The following GDNF variants were observed in gnomAD, a reference collection of about 807,000 sequenced individuals.
GDNF encodes glial cell derived neurotrophic factor, also known as glial cell line-derived neurotrophic factor.
A neutral mutation model predicts 13.7 loss-of-function variants in GDNF; 5 were observed. The observed-to-expected ratio is 0.36, with a 90% confidence interval of 0.19 to 0.77. GDNF has a LOEUF of 0.77. Ranked by LOEUF, GDNF falls within the 30% of genes least tolerant of loss-of-function variation. The pLI is 0.51. For missense variants in GDNF, 246 were observed against 274.3 expected (o/e 0.90, Z 0.73); for synonymous variants, 122 against 112.5 (o/e 1.08, Z -0.53).
chr5:37,828,228 T>C (rs1311749724), intron 2 of GDNF, among the ~76,000 whole-genome samples: 1 of 152,238 alleles, frequency 6.6e-6, no homozygotes, highest in Non-Finnish European at 1.5e-5. Context: ...GCCTCCCGAA[T>C]GCTGTCTGCC....
chr5:37,829,459 A>G (rs1750440460), intron 2 of GDNF, among the ~76,000 whole-genome samples: 1 of 152,194 alleles, frequency 6.6e-6, no homozygotes, highest in South Asian at 2.1e-4. Context: ...CCATCCAGCC[A>G]TCCGCCCATC....
chr5:37,815,361 A>T lies in GDNF; in HGVS notation c.*290T>A. On this transcript the variant is annotated 3_prime_UTR_variant, in exon 3 of 3. Coordinates refer to ENST00000326524, the MANE Select transcript of GDNF (RefSeq NM_000514.4). The surrounding 1 kb of genome is among the most constrained non-coding windows in gnomAD (Gnocchi z 5.0). The stretch of plus-strand genomic sequence containing the variant: ...AAATGGTGGCAATAGCCAACCAGGA[A>T]CATCAGCCCTGAGCTTCTAGTGACA... 2.1e-6 allele frequency: 1 copy of T among 483,482 alleles called. No homozygotes were observed. The highest frequency in any genetic ancestry group is 3.8e-6 in the Non-Finnish European group (1 of 265,016). The allele number at this position is 483,482 out of a possible 1,614,324, so 29.9% of individuals were successfully genotyped here.
intron 2 of GDNF, among the ~76,000 whole-genome samples, chr5:37,832,261 T>C (rs1561135073): frequency 6.6e-6 from 1 of 152,246 alleles, no homozygotes; most frequent in Non-Finnish European, 1.5e-5. Flanking sequence ...TGAAATGTGG[T>C]GACTTAATGT....
intron 2 of GDNF, among the ~76,000 whole-genome samples, chr5:37,819,994 G>A (rs554506287): frequency 6.6e-6 from 1 of 152,084 alleles, no homozygotes; most frequent in South Asian, 2.1e-4. Context: ...TATATAAATC[G>A]GAACTTATGA....
chr5:37,834,859 A>C (rs754431716), intron 1 of GDNF, 37 bp from the exon 2 acceptor site: 125 of 1,592,840 alleles, frequency 7.8e-5, no homozygotes, highest in Non-Finnish European at 1.0e-4. Context: ...AGAGAACCGC[A>C]GAATGCACGT....
At chr5:37,818,296 G>A (rs1750003973) in intron 2 of GDNF, among the ~76,000 whole-genome samples, 1 of 152,232 alleles carries the variant, frequency 6.6e-6, no homozygotes, top group African/African-American at 2.4e-5. Context: ...CCCAGTGAGA[G>A]GTAATTGAAT....
intron 2 of GDNF, among the ~76,000 whole-genome samples, chr5:37,826,349 C>T (rs528840767): frequency 6.6e-6 from 1 of 152,184 alleles, no homozygotes; most frequent in African/African-American, 2.4e-5. Context: ...GCACAGAAGG[C>T]AGCAGTGTAA....
Position 37,815,944 on chromosome 5 carries a change from T to G in GDNF, c.343A>C (p.Asn115His). 6.2e-7 allele frequency: 1 copy of G among 1,614,176 alleles called. No homozygotes were observed. Among genetic ancestry groups the G allele is most frequent in the South Asian group, 1.1e-5 (1 of 91,084 alleles). Residue 115 changes from asparagine (N) to histidine (H), a missense_variant, in exon 3 of 3, where the codon AAC becomes CAC. Asn to His is a moderately conservative substitution (Grantham distance 68). Transcript: ENST00000326524. The surrounding 1 kb of genome is among the most constrained non-coding windows in gnomAD (Gnocchi z 5.0). ...ATTGCAGTTAAGACACAACCCCGGT[T>G]TTTGCCCCTCTGGCCTCTCCGACCT... Reference protein sequence around the residue: ...GKGRRGQRGKNRGCVLTAIHL... With the variant: ...GKGRRGQRGKHRGCVLTAIHL...
rs1348912601 is a variant in GDNF at position 37,838,601 on chromosome 5, G to A, written c.-27+906C>T. Among the ~76,000 whole-genome samples, 18 of 152,206 alleles carry A rather than the reference G, an allele frequency of 1.2e-4. No homozygotes were observed. The highest frequency in any genetic ancestry group is 2.4e-5 in the African/African-American group (1 of 41,452). On this transcript the variant is annotated intron_variant, in intron 1 of 2. Transcript: ENST00000326524. This position sits in a 1 kb window ranked among gnomAD's most constrained non-coding sequence, Gnocchi z 4.1. ...GGTCCTGGCGGCGGATTCTACCAAAGCCGAAACTAGCTGGGCCCCAGGAAG... is the reference window on the plus strand; with the variant it reads ...GGTCCTGGCGGCGGATTCTACCAAAACCGAAACTAGCTGGGCCCCAGGAAG...
chr5:37,825,808 C>T (rs1434653490), intron 2 of GDNF, among the ~76,000 whole-genome samples: 1 of 152,118 alleles, frequency 6.6e-6, no homozygotes, highest in Non-Finnish European at 1.5e-5. Context: ...GTGATTTGAA[C>T]AAGAAGGAGG....
In GDNF at chr5:37,831,488, A is replaced by C. The variant is rs183951930; in HGVS notation, c.151+3158T>G. ...TAGAGTTGAGATAAGGAATATGACT[A>C]TGATGAACTAACCTTCAATAAATTC... On this transcript the variant is annotated intron_variant, in intron 2 of 2. Coordinates refer to ENST00000326524, the MANE Select transcript of GDNF (RefSeq NM_000514.4). Among the ~76,000 whole-genome samples, 77 of 152,356 alleles carry C rather than the reference A, an allele frequency of 5.1e-4. 1 individual carries two copies. In the Middle Eastern group the frequency reaches 0.017, roughly 34 times the overall value.
At chr5:37,833,159 C>T (rs1191863407) in intron 2 of GDNF, among the ~76,000 whole-genome samples, 1 of 152,212 alleles carries the variant, frequency 6.6e-6, no homozygotes, top group Non-Finnish European at 1.5e-5. Context: ...CAGGCACAGT[C>T]ATTTTTCTCT....
Position 37,835,019 on chromosome 5 carries a change from G to A in GDNF, c.-26-197C>T, listed in dbSNP as rs924774625. 3.5e-5 allele frequency: 21 copies of A among 596,000 alleles called. No homozygotes were observed. The African/African-American group carries it at 3.6e-4, about 10-fold the overall frequency. 36.9% of individuals were successfully genotyped at this position (596,000 alleles called of 1,614,324 possible). On this transcript the variant is annotated intron_variant, in intron 1 of 2. Transcript: ENST00000326524. The stretch of plus-strand genomic sequence containing the variant: ...TCTCCCTCCTCAGCGCGCCCCAGGA[G>A]CAGCTCGCACTCCTGGTTCAGGTTG...
chr5:37,812,911 C>T lies in GDNF; in HGVS notation c.*2740G>A, dbSNP rs1293467251. 1.3e-5 allele frequency: 2 copies of T among 152,100 alleles called. No homozygotes were observed. The highest frequency in any genetic ancestry group is 2.9e-5 in the Non-Finnish European group (2 of 68,030). 9.4% of individuals were successfully genotyped at this position (152,100 alleles called of 1,614,324 possible). ...AGCAACTTGCTTCCATTAAAACCTG[C>T]TTGTGGTGTGTAGGTGATGCCGGGA... On this transcript the variant is annotated 3_prime_UTR_variant, in exon 3 of 3. Transcript: ENST00000326524.
intron 2 of GDNF, among the ~76,000 whole-genome samples, chr5:37,819,572 C>A (rs1268261860): frequency 6.6e-6 from 1 of 151,688 alleles, no homozygotes; most frequent in Non-Finnish European, 1.5e-5. Context: ...CCTGCCTCAG[C>A]CTCCCAAGTA....
chr5:37,831,464 A>G (rs781539722), intron 2 of GDNF, among the ~76,000 whole-genome samples: 1 of 152,272 alleles, frequency 6.6e-6, no homozygotes, highest in Non-Finnish European at 1.5e-5. Flanking sequence ...AAATACATTT[A>G]GAGTTGAGAT....
At chr5:37,823,321 A>G (rs1750203917) in intron 2 of GDNF, 1 of 152,210 alleles carries the variant, frequency 6.6e-6, no homozygotes, top group African/African-American at 2.4e-5. Context: ...TTACTCTGAG[A>G]CGAGAGCAAG....
At chr5:37,833,350 T>C (rs1255645784) in intron 2 of GDNF, among the ~76,000 whole-genome samples, 1 of 152,176 alleles carries the variant, frequency 6.6e-6, no homozygotes, top group Admixed American at 6.5e-5. Flanking sequence ...GCCTTTAAAG[T>C]AGGTTTATAC....
At chr5:37,822,866 T>C (rs1006188956) in intron 2 of GDNF, among the ~76,000 whole-genome samples, 2 of 152,218 alleles carry the variant, frequency 1.3e-5, no homozygotes, top group African/African-American at 4.8e-5. Context: ...AATGTCATTG[T>C]TTTGGAATAA....
Sources: gnomAD v4.1 joint callset for allele counts (sites outside exome capture counted in the v4.1 genomes callset) on GRCh38, gnomAD v4.1.1 for gene constraint, Gnocchi (gnomAD v3.1) non-coding constraint, MANE v1.5 for transcripts, NCBI Gene and HGNC (gene_info 2026-07-23, HGNC 2026-07-21) for gene names.